GAP43: variants seen among roughly 807,000 people sequenced by gnomAD.
GAP43 encodes the protein neuromodulin.
A neutral mutation model predicts 18.6 loss-of-function variants in GAP43; 6 were observed. That is an observed-to-expected ratio of 0.32 (90% CI 0.18 to 0.64). The LOEUF (loss-of-function observed/expected upper bound fraction) is 0.64, where lower values mean the gene tolerates loss of function less well. Among genes scored for constraint, GAP43 ranks in the 30% least tolerant of loss-of-function variants. The pLI is 0.78. For synonymous variants in GAP43, 115 were observed against 111.4 expected (o/e 1.03, Z -0.20); for missense variants, 292 against 295.5 (o/e 0.99, Z 0.09).
At chr3:115,707,990 T>TAC (rs3086971) in intron 2 of GAP43, among the ~76,000 whole-genome samples, 1,803 of 146,986 alleles carry the variant, frequency 0.012, 18 homozygotes, top group African/African-American at 0.034. Context: ...TATATCGGGA[T>TAC]ACACACACAC....
chr3:115,670,013 T>C lies in GAP43; in HGVS notation c.31-6000T>C, dbSNP rs577947977. Among the ~76,000 whole-genome samples, 196 of 140,688 alleles carry C rather than the reference T, an allele frequency of 1.4e-3. No individual in the cohort carries two copies. In the South Asian group the frequency reaches 0.015, roughly 11 times the overall value. 92.3% of individuals were successfully genotyped at this position (140,688 alleles called of 152,430 possible). ...TTTTTTTTAATTTTTTTTTTTATTA[T>C]ACTCTAAGTTTTAGGGTACATGTGC... On this transcript the variant is annotated intron_variant, in intron 1 of 2. Transcript: ENST00000305124.
Position 115,679,586 on chromosome 3 carries a change from T to A in GAP43, c.628+2976T>A, listed in dbSNP as rs372585956. The stretch of plus-strand genomic sequence containing the variant: ...GGACACTGCCCCATTCAGTCATGAG[T>A]AGAGAACTTTGAAGCCCCCTTTAGT... On this transcript the variant is annotated intron_variant, in intron 2 of 2. Coordinates refer to ENST00000305124, the MANE Select transcript of GAP43 (RefSeq NM_002045.4). Among the ~76,000 whole-genome samples the A allele has an allele frequency of 3.9e-5, 6 of 152,132 alleles. No homozygotes were observed. In the East Asian group the frequency reaches 9.7e-4, roughly 24 times the overall value.
intron 1 of GAP43, among the ~76,000 whole-genome samples, chr3:115,667,678 C>A (rs1708750788): frequency 6.6e-6 from 1 of 152,148 alleles, no homozygotes; most frequent in Non-Finnish European, 1.5e-5. Flanking sequence ...GCTCTTGGGG[C>A]CTCTCAGCTG....
chr3:115,636,863 C>T (rs1005425466), intron 1 of GAP43, among the ~76,000 whole-genome samples: 2 of 151,928 alleles, frequency 1.3e-5, no homozygotes, highest in Non-Finnish European at 2.9e-5. Context: ...TTACGTAAAA[C>T]GAAAGTATTG....
At chr3:115,706,721 C>T (rs1257023556) in intron 2 of GAP43, among the ~76,000 whole-genome samples, 3 of 152,004 alleles carry the variant, frequency 2.0e-5, no homozygotes, top group South Asian at 2.1e-4. Context: ...ACTTCAAAGC[C>T]GTTTTCAAAA....
At position 115,644,236 on chromosome 3, in the gene GAP43, CTG is replaced by C. The variant is rs1708431584; in HGVS notation, c.30+20519_30+20520del. ...ATACTCATTAAATTGTCAAGTGTAA[CTG>C]TATTATTTATTTATTTATTGCAGGC... On this transcript the variant is annotated intron_variant, in intron 1 of 2. Transcript: ENST00000305124. The surrounding 1 kb of genome is among the most constrained non-coding windows in gnomAD (Gnocchi z 4.2). Among the ~76,000 whole-genome samples, 1 of 151,978 alleles carries C rather than the reference CTG, an allele frequency of 6.6e-6. No individual in the cohort carries two copies. Among genetic ancestry groups the C allele is most frequent in the Non-Finnish European group, 1.5e-5 (1 of 67,964 alleles).
chr3:115,681,745 T>C (rs528118052), intron 2 of GAP43, among the ~76,000 whole-genome samples: 1 of 152,342 alleles, frequency 6.6e-6, no homozygotes, highest in East Asian at 1.9e-4. Flanking sequence ...TGCTGAGTGC[T>C]ATGTGGGGAT....
chr3:115,652,320 A>G (rs1431363119), intron 1 of GAP43, among the ~76,000 whole-genome samples: 2 of 108,838 alleles, frequency 1.8e-5, no homozygotes, highest in African/African-American at 6.8e-5. Flanking sequence ...CTACATCTCT[A>G]TATTCCTGTA....
Position 115,711,881 on chromosome 3 carries a change from A to G in GAP43, c.629-8913A>G, listed in dbSNP as rs375889255. On this transcript the variant is annotated intron_variant, in intron 2 of 2. Transcript: ENST00000305124. ...TTAACCTTTAGAAGTTGACTTATTC[A>G]TTGTAATAATGGTAAGAAATAAAGT... is the stretch of plus-strand genomic sequence containing the variant. Among the ~76,000 whole-genome samples the G allele has an allele frequency of 4.3e-3, 658 of 152,316 alleles. 9 individuals are homozygous for G. Among genetic ancestry groups the G allele is most frequent in the African/African-American group, 0.015 (633 of 41,580 alleles).
chr3:115,699,349 G>A (rs369529283), intron 2 of GAP43, among the ~76,000 whole-genome samples: 4 of 152,042 alleles, frequency 2.6e-5, no homozygotes, highest in South Asian at 4.2e-4. Context: ...CTGTGCCATC[G>A]TTCCCAACCT....
At chr3:115,711,807 CTGTT>C (rs10601931) in intron 2 of GAP43, among the ~76,000 whole-genome samples, 82,056 of 151,498 alleles carry the variant, frequency 0.54, 22,854 homozygotes, top group East Asian at 0.73. Flanking sequence ...TTTTATTTGA[CTGTT>C]TGTTATACTA....
intron 1 of GAP43, among the ~76,000 whole-genome samples, chr3:115,666,429 G>A (rs1708734365): frequency 6.6e-6 from 1 of 152,020 alleles, no homozygotes; most frequent in Admixed American, 6.6e-5. Context: ...ATCTCCTCTG[G>A]TATTTGTCTT....
At chr3:115,669,638 C>G (rs1386371204) in intron 1 of GAP43, among the ~76,000 whole-genome samples, 2 of 152,162 alleles carry the variant, frequency 1.3e-5, no homozygotes, top group Non-Finnish European at 2.9e-5. Flanking sequence ...ACTTTTCAGA[C>G]TGGAAACTGA....
chr3:115,720,695 A>G (rs1329161674), intron 2 of GAP43, 99 bp from the exon 3 acceptor site: 5 of 694,284 alleles, frequency 7.2e-6, no homozygotes, highest in East Asian at 5.4e-5. Flanking sequence ...TTATGAAATG[A>G]CATAAAAAGA....
chr3:115,647,047 C>A (rs571702890), intron 1 of GAP43, among the ~76,000 whole-genome samples: 2 of 151,992 alleles, frequency 1.3e-5, no homozygotes, highest in Non-Finnish European at 2.9e-5. Context: ...AAATCCTCAT[C>A]TGAGGATTAC....
Position 115,676,352 on chromosome 3 carries a change from G to T in GAP43, c.370G>T (p.Ala124Ser). The T allele has an allele frequency of 6.2e-7, 1 of 1,614,102 alleles. No individual in the cohort carries two copies. The highest frequency in any genetic ancestry group is 8.5e-7 in the Non-Finnish European group (1 of 1,179,984). Residue 124 changes from alanine (A) to serine (S), a missense_variant, in exon 2 of 3, where the codon GCC (alanine) becomes TCC (serine). Ala to Ser is a moderately conservative substitution (Grantham distance 99). Transcript: ENST00000305124. Reference protein sequence around the residue: ...GEGDAATEQAAPQAPASSEEK... With the variant: ...GEGDAATEQASPQAPASSEEK... ...GGGTGATGCTGCCACAGAGCAGGCA[G>T]CCCCCCAGGCTCCTGCATCCTCAGA...
chr3:115,676,322 G>T lies in GAP43; in HGVS notation c.340G>T (p.Gly114Trp), dbSNP rs574782109. 2 of 1,614,154 alleles carry T rather than the reference G, an allele frequency of 1.2e-6. No homozygotes were observed. Among genetic ancestry groups the T allele is most frequent in the Admixed American group, 1.7e-5 (1 of 60,030 alleles). ...AGAAACTCCTTCCGAGGAGAAGAAG[G>T]GGGAGGGTGATGCTGCCACAGAGCA... Reference protein sequence around the residue: ...AGETPSEEKKGEGDAATEQAA... With the variant: ...AGETPSEEKKWEGDAATEQAA... The change falls in exon 2 of 3, where the codon GGG (glycine) becomes TGG (tryptophan). Residue 114 changes from glycine to tryptophan, a missense_variant. Transcript: ENST00000305124.
At chr3:115,679,746 A>G (rs916794627) in intron 2 of GAP43, among the ~76,000 whole-genome samples, 1 of 152,152 alleles carries the variant, frequency 6.6e-6, no homozygotes, top group African/African-American at 2.4e-5. Flanking sequence ...TGCTGTGGTC[A>G]TATTCAGTGA....
At chr3:115,642,791 T>C (rs1230039950) in intron 1 of GAP43, among the ~76,000 whole-genome samples, 2 of 152,138 alleles carry the variant, frequency 1.3e-5, no homozygotes, top group African/African-American at 2.4e-5. Flanking sequence ...TTGTTGATGC[T>C]GTTGTTGATA....
Sources: allele counts gnomAD v4.1 joint callset (sites outside exome capture counted in the v4.1 genomes callset), GRCh38; gene constraint gnomAD v4.1.1; non-coding constraint Gnocchi (gnomAD v3.1); transcripts MANE v1.5; gene names NCBI Gene and HGNC (gene_info 2026-07-23, HGNC 2026-07-21).